The following TEX36 variants were observed in gnomAD, a reference collection of about 807,000 sequenced individuals.
TEX36 encodes the protein testis expressed 36.
In TEX36, 12 loss-of-function variants were observed where a neutral mutation model predicts 13.6. The observed-to-expected ratio is 0.88, with a 90% CI of 0.56 to 1.43. The LOEUF (loss-of-function observed/expected upper bound fraction) is 1.43. TEX36 is among the 40% of genes most tolerant of loss of function. The pLI, the probability that TEX36 is intolerant of heterozygous loss-of-function variation, is 0.00. For missense variants in TEX36, 224 were observed against 228.3 expected, an observed-to-expected ratio of 0.98 and a Z score of 0.12; for synonymous variants, 93 against 83.0, an observed-to-expected ratio of 1.12 and a Z score of -0.65.
In TEX36 at chr10:125,578,622, G is replaced by A. The variant is rs757476361; in HGVS notation, c.265-1748C>T. ...CCAAGGGAAGGTGGGGTACCTTGTCGTCCCTCCTCCTCTCATTTTCCATCC... is the reference window on the plus strand; with the variant it reads ...CCAAGGGAAGGTGGGGTACCTTGTCATCCCTCCTCCTCTCATTTTCCATCC... On this transcript the variant is annotated intron_variant, in intron 3 of 3. Coordinates refer to the TEX36 transcript ENST00000532135. 9.2e-5 allele frequency among the ~76,000 whole-genome samples: 14 copies of A among 152,202 alleles called. No individual in the cohort carries two copies. The East Asian group carries it at 2.1e-3, about 23-fold the overall frequency.
chr10:125,617,059 T>A (rs1846369669), downstream of TEX36, among the ~76,000 whole-genome samples: 1 of 152,212 alleles, frequency 6.6e-6, no homozygotes, highest in Non-Finnish European at 1.5e-5. Context: ...TTGTCTCTTT[T>A]GATCTTTGTT....
intron 3 of TEX36, among the ~76,000 whole-genome samples, chr10:125,595,330 C>T (rs949227351): frequency 6.6e-6 from 1 of 152,086 alleles, no homozygotes; most frequent in African/African-American, 2.4e-5. Context: ...GAAAAGTTCC[C>T]CAACTTGTCT....
intron 3 of TEX36, among the ~76,000 whole-genome samples, chr10:125,638,450 G>A (rs1029344902): frequency 6.6e-6 from 1 of 152,208 alleles, no homozygotes; most frequent in African/African-American, 2.4e-5. Context: ...TGAAGCTGGA[G>A]AGGGAAAAGA....
At chr10:125,661,247 A>C (rs143982368) in intron 2 of TEX36, 146 bp from the exon 3 acceptor site, 14 of 686,336 alleles carry the variant, frequency 2.0e-5, no homozygotes, top group South Asian at 1.2e-4. Flanking sequence ...GATGGAGCAG[A>C]CACAGGAGGG....
downstream of TEX36, among the ~76,000 whole-genome samples, chr10:125,653,832 A>G (rs1846901960): frequency 6.6e-6 from 1 of 152,074 alleles, no homozygotes; most frequent in African/African-American, 2.4e-5. Flanking sequence ...CAATTTTTTA[A>G]TTAGTTGAGT....
At chr10:125,656,322 T>C (rs987946550) in intron 3 of TEX36, 126 bp from the exon 4 acceptor site, 2 of 895,782 alleles carry the variant, frequency 2.2e-6, no homozygotes, top group Non-Finnish European at 3.1e-6. Context: ...AGTGGCACGA[T>C]CTCAGCTCAC....
chr10:125,634,995 T>C (rs1217186288), intron 3 of TEX36, among the ~76,000 whole-genome samples: 1 of 152,142 alleles, frequency 6.6e-6, no homozygotes, highest in Non-Finnish European at 1.5e-5. Context: ...GGGGCCAGGA[T>C]GGAATGATGA....
downstream of TEX36, among the ~76,000 whole-genome samples, chr10:125,655,261 A>T (rs897817793): frequency 2.0e-5 from 3 of 152,126 alleles, no homozygotes; most frequent in Admixed American, 6.6e-5. Context: ...CCTGGCCAAG[A>T]AGGTGAGACC....
At chr10:125,606,580 C>G (rs563882188) in intron 3 of TEX36, among the ~76,000 whole-genome samples, 15 of 152,292 alleles carry the variant, frequency 9.8e-5, no homozygotes, top group African/African-American at 3.6e-4. Context: ...TGTGCTGTAG[C>G]TTATCAGATC....
chr10:125,590,351 G>A lies in TEX36; in HGVS notation c.265-13477C>T, dbSNP rs371925188. On this transcript the variant is annotated intron_variant, in intron 3 of 3. Coordinates refer to the TEX36 transcript ENST00000532135. ...AGGCTGATCTCAAATTCCTGGCCCA[G>A]GTGATCCTCCCACCTCGGCCTCCCA... Among the ~76,000 whole-genome samples, 10 of 152,172 alleles carry A rather than the reference G, an allele frequency of 6.6e-5. No individual in the cohort carries two copies. The South Asian group carries it at 2.1e-3, about 32-fold the overall frequency.
chr10:125,618,953 A>T (rs113947186), downstream of TEX36, among the ~76,000 whole-genome samples: 13 of 129,064 alleles, frequency 1.0e-4, no homozygotes, highest in East Asian at 2.6e-3. Context: ...AAAAAAAAAA[A>T]AAAAAAAAAA....
chr10:125,655,989 G>A lies in TEX36; in HGVS notation c.472C>T (p.Pro158Ser), dbSNP rs532643544. Residue 158 changes from proline (P) to serine (S), a missense_variant, in exon 4 of 4, where the codon CCT (proline) becomes TCT (serine). Physicochemically the swap from Pro to Ser is moderately conservative, Grantham distance 74. Coordinates refer to ENST00000368821, the MANE Select transcript of TEX36 (RefSeq NM_001128202.3). Reference sequence around the variant, plus strand: ...AAAACCTCTGTATAGCTTCTCTCAGGAAGAAATGTAAAAGCGTTCCATATC... The same window carrying A: ...AAAACCTCTGTATAGCTTCTCTCAGAAAGAAATGTAAAAGCGTTCCATATC... ...KEIWNAFTFL[P>S]ERSYTEVLKK... 1.4e-5 allele frequency: 21 copies of A among 1,551,622 alleles called. No individual in the cohort carries two copies. The highest frequency in any genetic ancestry group is 1.7e-4 in the Middle Eastern group (1 of 6,018).
At chr10:125,640,063 A>G in intron 3 of TEX36, 1 of 672,334 alleles carries the variant, frequency 1.5e-6, no homozygotes, top group Non-Finnish European at 1.8e-6. Flanking sequence ...GTCACTTATT[A>G]TCCCGTCAGT....
At chr10:125,666,663 C>T (rs180732804) in intron 1 of TEX36, among the ~76,000 whole-genome samples, 63 of 152,172 alleles carry the variant, frequency 4.1e-4, no homozygotes, top group African/African-American at 1.3e-3. Flanking sequence ...GTTCTCTCCC[C>T]GCCCCCCCTC....
chr10:125,607,740 T>C (rs1007659890), intron 3 of TEX36, among the ~76,000 whole-genome samples: 4 of 151,996 alleles, frequency 2.6e-5, no homozygotes, highest in African/African-American at 9.7e-5. Context: ...GCATCTAGTA[T>C]AGTGCCCAGC....
At chr10:125,627,724 C>T (rs1846504958) in intron 3 of TEX36, among the ~76,000 whole-genome samples, 1 of 152,172 alleles carries the variant, frequency 6.6e-6, no homozygotes, top group Non-Finnish European at 1.5e-5. Context: ...CTCCAGGGGA[C>T]ACCATTCCTG....
At chr10:125,636,978 T>C (rs1846631025) in intron 3 of TEX36, among the ~76,000 whole-genome samples, 1 of 152,038 alleles carries the variant, frequency 6.6e-6, no homozygotes, top group South Asian at 2.1e-4. Context: ...TTTGATTTTA[T>C]GAATTTGACT....
intron 3 of TEX36, among the ~76,000 whole-genome samples, chr10:125,632,613 G>C (rs1846570532): frequency 6.6e-6 from 1 of 152,142 alleles, no homozygotes; most frequent in Admixed American, 6.5e-5. Context: ...AAAGTGATGG[G>C]AAATAAGAGA....
At chr10:125,651,541 T>C (rs1846859494), downstream of TEX36, among the ~76,000 whole-genome samples, 1 of 152,132 alleles carries the variant, frequency 6.6e-6, no homozygotes. Flanking sequence ...GCCAATATCA[T>C]ACTGAAAGGG....
Sources: allele counts gnomAD v4.1 joint callset (sites outside exome capture counted in the v4.1 genomes callset), GRCh38; gene constraint gnomAD v4.1.1; transcripts MANE v1.5; gene names NCBI Gene and HGNC (gene_info 2026-07-23, HGNC 2026-07-21).